The following WIPF2 variants were observed in gnomAD, a reference collection of about 807,000 sequenced individuals.
WIPF2 encodes WAS/WASL interacting protein family member 2.
A neutral mutation model predicts 38.8 loss-of-function variants in WIPF2; 23 were observed. That is an observed-to-expected ratio of 0.59 (90% CI 0.43 to 0.84). The LOEUF (loss-of-function observed/expected upper bound fraction) is 0.84, where lower values mean the gene tolerates loss of function less well. Ranked by LOEUF, WIPF2 falls within the 40% of genes least tolerant of loss-of-function variation. The pLI is 0.00. For missense variants in WIPF2, 574 were observed against 580.5 expected (o/e 0.99, Z 0.11); for synonymous variants, 210 against 223.2 (o/e 0.94, Z 0.53).
intron 1 of WIPF2, among the ~76,000 whole-genome samples, chr17:40,237,229 A>G (rs528697340): frequency 2.3e-4 from 31 of 136,832 alleles, no homozygotes; most frequent in Non-Finnish European, 4.3e-4. Flanking sequence ...TTTTTTTCCT[A>G]TTCAATTTTT....
At chr17:40,228,957 G>T (rs961946983) in intron 1 of WIPF2, among the ~76,000 whole-genome samples, 4 of 151,180 alleles carry the variant, frequency 2.6e-5, no homozygotes, top group African/African-American at 9.7e-5. Context: ...TTTAGACAAG[G>T]TTTCATTCCC....
intron 1 of WIPF2, among the ~76,000 whole-genome samples, chr17:40,248,175 T>TC (rs2031436467): frequency 7.2e-6 from 1 of 138,392 alleles, no homozygotes; most frequent in Non-Finnish European, 1.6e-5. Flanking sequence ...TTTTTTTTTT[T>TC]TTTTTTTTTT....
intron 1 of WIPF2, among the ~76,000 whole-genome samples, chr17:40,226,229 A>G (rs2030480610): frequency 1.4e-5 from 2 of 141,736 alleles, no homozygotes; most frequent in Admixed American, 1.4e-4. Context: ...TTTGAGATGG[A>G]GTCTCGTTCT....
intron 1 of WIPF2, among the ~76,000 whole-genome samples, chr17:40,248,538 C>A (rs1002362628): frequency 6.6e-6 from 1 of 152,170 alleles, no homozygotes; most frequent in Non-Finnish European, 1.5e-5. Flanking sequence ...TAAGCACATT[C>A]GATCCTTCTG....
At chr17:40,241,742 T>G (rs1292578927) in intron 1 of WIPF2, among the ~76,000 whole-genome samples, 1 of 152,184 alleles carries the variant, frequency 6.6e-6, no homozygotes, top group Non-Finnish European at 1.5e-5. Context: ...TTTGGAGATG[T>G]TGAAGCACTG....
rs909478384 is a variant in WIPF2 at position 40,264,397 on chromosome 17, C to T, written c.314-93C>T. On this transcript the variant is annotated intron_variant, in intron 4 of 7. Coordinates refer to ENST00000323571, the MANE Select transcript of WIPF2 (RefSeq NM_133264.5). ...AATTATTCAATTCCTTTCCCTGCTGCCATGCAGGTTGCACTAAGGAGCCGA... is the reference window on the plus strand; with the variant it reads ...AATTATTCAATTCCTTTCCCTGCTGTCATGCAGGTTGCACTAAGGAGCCGA... 3 of 959,956 alleles carry T rather than the reference C, an allele frequency of 3.1e-6. No homozygotes were observed. In the African/African-American group the frequency reaches 4.9e-5, roughly 16 times the overall value. The allele number at this position is 959,956 out of a possible 1,614,324, so 59.5% of individuals were successfully genotyped here.
chr17:40,268,605 T>A (rs1467627974), intron 5 of WIPF2, among the ~76,000 whole-genome samples: 1 of 152,128 alleles, frequency 6.6e-6, no homozygotes, highest in African/African-American at 2.4e-5. Context: ...AATTTTTTTT[T>A]ATTTTTATTT....
chr17:40,226,418 T>C (rs914763152), intron 1 of WIPF2, among the ~76,000 whole-genome samples: 9 of 151,800 alleles, frequency 5.9e-5, no homozygotes, highest in Admixed American at 6.6e-5. Flanking sequence ...GATTTCACTA[T>C]GTTGGCCAGA....
intron 6 of WIPF2, among the ~76,000 whole-genome samples, chr17:40,275,568 G>C (rs1205639538): frequency 6.8e-6 from 1 of 147,128 alleles, no homozygotes; most frequent in Non-Finnish European, 1.5e-5. Flanking sequence ...TAACACTCTA[G>C]ATTTTTTTTT....
At chr17:40,229,340 C>T (rs1046799979) in intron 1 of WIPF2, among the ~76,000 whole-genome samples, 1 of 152,102 alleles carries the variant, frequency 6.6e-6, no homozygotes, top group Non-Finnish European at 1.5e-5. Flanking sequence ...CTCCTGACCT[C>T]AGGTGATCCG....
intron 1 of WIPF2, among the ~76,000 whole-genome samples, chr17:40,222,240 G>A (rs1211166060): frequency 1.3e-5 from 2 of 151,558 alleles, no homozygotes; most frequent in African/African-American, 4.8e-5. Context: ...TTTTAGTAGA[G>A]ACAGGGTTTC....
At chr17:40,220,848 C>T (rs1259347769) in intron 1 of WIPF2, among the ~76,000 whole-genome samples, 1 of 147,664 alleles carries the variant, frequency 6.8e-6, no homozygotes. Flanking sequence ...GATCTCGGCT[C>T]ACTGCAAGCT....
intron 1 of WIPF2, among the ~76,000 whole-genome samples, chr17:40,223,540 AAAAG>A (rs1165225785): frequency 6.6e-6 from 1 of 151,738 alleles, no homozygotes; most frequent in Admixed American, 6.6e-5. Context: ...TAGGAAAAAA[AAAAG>A]GCAAGAGGCA....
intron 5 of WIPF2, among the ~76,000 whole-genome samples, chr17:40,272,028 T>TG (rs2032265193): frequency 6.6e-6 from 1 of 152,034 alleles, no homozygotes; most frequent in Non-Finnish European, 1.5e-5. Context: ...TTTTCTTTTT[T>TG]TTTTTTTTGA....
chr17:40,222,577 G>A (rs1007454965), intron 1 of WIPF2, among the ~76,000 whole-genome samples: 14 of 147,918 alleles, frequency 9.5e-5, no homozygotes, highest in African/African-American at 3.3e-4. Flanking sequence ...TTGCTCATGT[G>A]TGTGTGTGTT....
chr17:40,275,670 C>A (rs951877756), intron 6 of WIPF2, among the ~76,000 whole-genome samples: 2 of 152,064 alleles, frequency 1.3e-5, no homozygotes, highest in Non-Finnish European at 2.9e-5. Flanking sequence ...CTCAAGCAAT[C>A]CTCCCATCCT....
intron 6 of WIPF2, among the ~76,000 whole-genome samples, chr17:40,276,472 G>T (rs537501793): frequency 8.3e-6 from 1 of 120,100 alleles, no homozygotes; most frequent in South Asian, 2.8e-4. Flanking sequence ...AGTGAGCCAA[G>T]ATCATGCCAC....
Position 40,279,327 on chromosome 17 carries a change from A to G in WIPF2, c.*1102A>G, listed in dbSNP as rs1320981388. On this transcript the variant is annotated 3_prime_UTR_variant, in exon 8 of 8. Coordinates refer to ENST00000323571, the MANE Select transcript of WIPF2 (RefSeq NM_133264.5). Reference sequence around the variant, plus strand: ...GACTTTTAAGTCCTGCCTGTACTGAAGTTCACAGCCCACCTGACTGAGCAG... The same window carrying G: ...GACTTTTAAGTCCTGCCTGTACTGAGGTTCACAGCCCACCTGACTGAGCAG... 6.5e-6 allele frequency: 1 copy of G among 152,694 alleles called. No individual in the cohort carries two copies. The highest frequency in any genetic ancestry group is 2.4e-5 in the African/African-American group (1 of 41,436). The allele number at this position is 152,694 out of a possible 1,614,324, so 9.5% of individuals were successfully genotyped here. A position where few individuals can be genotyped will look rare whatever the true frequency, so the allele number is the denominator to read the frequency against.
intron 3 of WIPF2, among the ~76,000 whole-genome samples, chr17:40,262,005 A>G (rs868821399): frequency 1.2e-4 from 18 of 150,686 alleles, no homozygotes; most frequent in Non-Finnish European, 2.4e-4. Context: ...CTTTCATCAC[A>G]ACAGAGTTTC....
Sources: gnomAD v4.1 joint callset for allele counts (sites outside exome capture counted in the v4.1 genomes callset) on GRCh38, gnomAD v4.1.1 for gene constraint, MANE v1.5 for transcripts, NCBI Gene and HGNC (gene_info 2026-07-23, HGNC 2026-07-21) for gene names.